FOXN3: variants seen among roughly 807,000 people sequenced by gnomAD.
FOXN3 encodes the protein forkhead box protein N3.
Under a neutral mutation model 38.4 loss-of-function variants are expected in FOXN3, and 7 were observed. The ratio of observed to expected loss-of-function variants is 0.18; its 90% CI spans 0.10 to 0.34. The LOEUF is 0.34. Ranked by LOEUF, FOXN3 falls within the 10% of genes least tolerant of loss-of-function variation. FOXN3 has a pLI of 1.00. For missense variants in FOXN3, 456 were observed against 613.4 expected (o/e 0.74, Z 2.71); for synonymous variants, 230 against 242.2 (o/e 0.95, Z 0.47).
At chr14:89,197,846 G>C (rs957555555) in intron 4 of FOXN3, among the ~76,000 whole-genome samples, 1 of 152,208 alleles carries the variant, frequency 6.6e-6, no homozygotes, top group African/African-American at 2.4e-5. Flanking sequence ...AACGGCTGTC[G>C]CAGTAAATGA....
At chr14:89,256,751 C>T (rs1885635235) in intron 4 of FOXN3, among the ~76,000 whole-genome samples, 1 of 152,184 alleles carries the variant, frequency 6.6e-6, no homozygotes, top group African/African-American at 2.4e-5. Context: ...CTCTATCATT[C>T]CACTGCAAAG....
At chr14:89,555,892 TGGGG>T (rs1895113852) in intron 1 of FOXN3, among the ~76,000 whole-genome samples, 2 of 121,920 alleles carry the variant, frequency 1.6e-5, no homozygotes, top group Non-Finnish European at 1.9e-5. Flanking sequence ...GGGGTGTATG[TGGGG>T]GTGTGTGTGT....
chr14:89,477,792 A>G (rs1893241407), intron 1 of FOXN3, among the ~76,000 whole-genome samples: 1 of 152,174 alleles, frequency 6.6e-6, no homozygotes. Flanking sequence ...GGCCGGCACG[A>G]TGCCTATTTG....
At chr14:89,501,946 A>C (rs1225496499) in intron 1 of FOXN3, among the ~76,000 whole-genome samples, 1 of 152,092 alleles carries the variant, frequency 6.6e-6, no homozygotes, top group Non-Finnish European at 1.5e-5. Flanking sequence ...CAGTTGGATC[A>C]CCTGAGGTCA....
intron 1 of FOXN3, among the ~76,000 whole-genome samples, chr14:89,464,074 G>A (rs1047926484): frequency 1.3e-5 from 2 of 151,928 alleles, no homozygotes; most frequent in African/African-American, 4.9e-5. Context: ...ATGAGCCACC[G>A]CGCCCGGCCT....
At chr14:89,521,225 G>T (rs915930744) in intron 1 of FOXN3, among the ~76,000 whole-genome samples, 1 of 152,006 alleles carries the variant, frequency 6.6e-6, no homozygotes, top group African/African-American at 2.4e-5. Flanking sequence ...CAGGAGAATC[G>T]CCTGAACCAG....
At position 89,548,304 on chromosome 14, in the gene FOXN3, A is replaced by G. The variant is rs187768855; in HGVS notation, c.-15+70724T>C. ...ATATCATTTCCTAATTATTCCTCAC[A>G]TGTATATTTATGTTTGTCAGAATAT... On this transcript the variant is annotated intron_variant, in intron 1 of 6. Coordinates refer to the FOXN3 transcript ENST00000345097. This position sits in a 1 kb window ranked among gnomAD's most constrained non-coding sequence, Gnocchi z 4.8. Among the ~76,000 whole-genome samples the G allele has an allele frequency of 2.8e-3, 419 of 149,006 alleles. 2 individuals carry two copies. Among genetic ancestry groups the G allele is most frequent in the African/African-American group, 9.9e-3 (408 of 41,356 alleles).
chr14:89,238,336 G>A (rs539001572), intron 4 of FOXN3, among the ~76,000 whole-genome samples: 3 of 152,292 alleles, frequency 2.0e-5, no homozygotes, highest in East Asian at 1.9e-4. Flanking sequence ...CTGATGTACC[G>A]CAATTTAATT....
At chr14:89,522,509 C>T (rs1018961632) in intron 1 of FOXN3, among the ~76,000 whole-genome samples, 3 of 151,926 alleles carry the variant, frequency 2.0e-5, no homozygotes, top group Non-Finnish European at 4.4e-5. Flanking sequence ...AAAACAAAAT[C>T]GGCTATTTAA....
intron 3 of FOXN3, chr14:89,291,739 CT>C (rs746217637): frequency 1.3e-5 from 5 of 371,066 alleles, no homozygotes; most frequent in Non-Finnish European, 2.6e-5. Context: ...TCAGTTGGGA[CT>C]TCATTCCTTG....
At chr14:89,200,118 G>A (rs975100574) in intron 4 of FOXN3, among the ~76,000 whole-genome samples, 2 of 152,076 alleles carry the variant, frequency 1.3e-5, no homozygotes, top group African/African-American at 4.8e-5. Context: ...ACATCTCCAA[G>A]TAAGCTCTAC....
chr14:89,491,164 C>T (rs184344584), intron 1 of FOXN3, among the ~76,000 whole-genome samples: 42 of 150,862 alleles, frequency 2.8e-4, no homozygotes, highest in African/African-American at 9.5e-4. Flanking sequence ...TAAGTAGAGA[C>T]GGGGTTTTTC....
intron 1 of FOXN3, among the ~76,000 whole-genome samples, chr14:89,476,777 C>T (rs1332831991): frequency 2.0e-5 from 3 of 152,106 alleles, no homozygotes; most frequent in African/African-American, 7.2e-5. Flanking sequence ...AAATGCTATC[C>T]CCCCACTCCT....
intron 4 of FOXN3, among the ~76,000 whole-genome samples, chr14:89,196,686 T>C (rs1400535939): frequency 1.3e-5 from 2 of 152,196 alleles, no homozygotes; most frequent in East Asian, 1.9e-4. Context: ...CAGAAAGCCA[T>C]AGCCTGTCCT....
At chr14:89,420,935 G>A (rs1347390002), upstream of FOXN3, among the ~76,000 whole-genome samples, 5 of 150,794 alleles carry the variant, frequency 3.3e-5, no homozygotes, top group South Asian at 4.2e-4. Flanking sequence ...GATGAATTTC[G>A]GGAGAGGAAG....
chr14:89,473,521 G>A lies in FOXN3; in HGVS notation c.-14-61031C>T, dbSNP rs143920552. Reference sequence around the variant, plus strand: ...CTCGCAAGTAGCTGGGACCACAGGCGCACACCATCATACCTGGTTAATTTT... The same window carrying A: ...CTCGCAAGTAGCTGGGACCACAGGCACACACCATCATACCTGGTTAATTTT... On this transcript the variant is annotated intron_variant, in intron 1 of 6. Coordinates refer to the FOXN3 transcript ENST00000345097. Among the ~76,000 whole-genome samples the A allele has an allele frequency of 4.0e-3, 612 of 152,056 alleles. 6 individuals carry two copies. Among genetic ancestry groups the A allele is most frequent in the African/African-American group, 0.014 (581 of 41,480 alleles).
chr14:89,368,703 T>G (rs751105035), intron 2 of FOXN3, among the ~76,000 whole-genome samples: 22 of 152,218 alleles, frequency 1.4e-4, no homozygotes, highest in Non-Finnish European at 2.4e-4. Context: ...CCTCAGCTAC[T>G]ACAGTGACCT....
chr14:89,463,785 T>TC (rs199508283), intron 1 of FOXN3, among the ~76,000 whole-genome samples: 206 of 28,424 alleles, frequency 7.2e-3, no homozygotes, highest in African/African-American at 0.013. Flanking sequence ...TCTCTCTCTC[T>TC]TTTTTTTTTT....
intron 2 of FOXN3, among the ~76,000 whole-genome samples, chr14:89,373,290 C>A (rs1890375746): frequency 6.6e-6 from 1 of 150,614 alleles, no homozygotes; most frequent in African/African-American, 2.4e-5. Flanking sequence ...TCATCTAAGG[C>A]CAAATGATCA....
Sources: gnomAD v4.1 joint callset for allele counts (sites outside exome capture counted in the v4.1 genomes callset) on GRCh38, gnomAD v4.1.1 for gene constraint, Gnocchi (gnomAD v3.1) non-coding constraint, MANE v1.5 for transcripts, NCBI Gene and HGNC (gene_info 2026-07-23, HGNC 2026-07-21) for gene names.